MYO5B: variants seen among roughly 807,000 people sequenced by gnomAD.
MYO5B encodes the protein myosin VB, also known as unconventional myosin-Vb.
In MYO5B, 143 loss-of-function variants were observed where a neutral mutation model predicts 229.3. The ratio of observed to expected loss-of-function variants is 0.62; its 90% CI spans 0.54 to 0.72. The LOEUF is 0.72. Ranked by LOEUF, MYO5B falls within the 30% of genes least tolerant of loss-of-function variation. The pLI, the probability that MYO5B is intolerant of heterozygous loss-of-function variation, is 0.00. For synonymous variants in MYO5B, 918 were observed against 885.2 expected, an observed-to-expected ratio of 1.04 and a Z score of -0.66; for missense variants, 2,321 against 2,331.0, an observed-to-expected ratio of 1.00 and a Z score of 0.09.
intron 1 of MYO5B, among the ~76,000 whole-genome samples, chr18:50,109,579 C>A (rs2031827975): frequency 6.6e-6 from 1 of 152,130 alleles, no homozygotes; most frequent in Non-Finnish European, 1.5e-5. Context: ...GCGCCGCCAC[C>A]ATGCTTGGCT....
chr18:49,924,321 T>C (rs895458971), intron 17 of MYO5B, among the ~76,000 whole-genome samples: 4 of 152,190 alleles, frequency 2.6e-5, no homozygotes, highest in Non-Finnish European at 5.9e-5. Context: ...GAACTCTAGA[T>C]ACATTATCTA....
chr18:49,870,776 TAAAAG>T (rs1230628642), intron 27 of MYO5B, among the ~76,000 whole-genome samples: 6 of 151,744 alleles, frequency 4.0e-5, no homozygotes, highest in Admixed American at 1.3e-4. Flanking sequence ...AATAAATAAA[TAAAAG>T]AAAAGAAAAT....
chr18:49,942,504 A>T lies in MYO5B; in HGVS notation c.1753-5107T>A, dbSNP rs998854822. 7.9e-5 allele frequency among the ~76,000 whole-genome samples: 12 copies of T among 151,926 alleles called. No homozygotes were observed. In the South Asian group the frequency reaches 1.7e-3, roughly 21 times the overall value. On this transcript the variant is annotated intron_variant, in intron 14 of 39. Transcript: ENST00000285039. ...AATATCCAGAATCTACAATGAACTC[A>T]AACAAATTTACAAGAAAAAAACAAA... is the stretch of plus-strand genomic sequence containing the variant.
intron 1 of MYO5B, among the ~76,000 whole-genome samples, chr18:50,162,581 T>G (rs556781539): frequency 6.6e-6 from 1 of 152,302 alleles, no homozygotes; most frequent in South Asian, 2.1e-4. Context: ...GAATGTTGGC[T>G]CATCAGGACA....
chr18:50,149,680 C>T (rs1465071394), intron 1 of MYO5B, among the ~76,000 whole-genome samples: 22 of 145,756 alleles, frequency 1.5e-4, no homozygotes, highest in Middle Eastern at 3.5e-3. Context: ...ATACAAAAAT[C>T]AATTCAAGAT....
chr18:49,973,756 C>T (rs1198843721), intron 10 of MYO5B, among the ~76,000 whole-genome samples: 1 of 152,178 alleles, frequency 6.6e-6, no homozygotes, highest in Non-Finnish European at 1.5e-5. Flanking sequence ...GGCAAGTACA[C>T]TTTCACCACA....
At chr18:50,086,634 C>A (rs2031336274) in intron 1 of MYO5B, among the ~76,000 whole-genome samples, 1 of 152,152 alleles carries the variant, frequency 6.6e-6, no homozygotes, top group Non-Finnish European at 1.5e-5. Flanking sequence ...ATTATATAAC[C>A]CTTGCATTTG....
At chr18:50,190,533 C>G (rs902486241) in intron 1 of MYO5B, among the ~76,000 whole-genome samples, 27 of 152,172 alleles carry the variant, frequency 1.8e-4, no homozygotes, top group African/African-American at 6.5e-4. Context: ...AACCTCACTA[C>G]AAAGAAAACA....
intron 10 of MYO5B, among the ~76,000 whole-genome samples, chr18:49,965,562 C>A (rs2025615753): frequency 6.6e-6 from 1 of 151,978 alleles, no homozygotes; most frequent in African/African-American, 2.4e-5. Flanking sequence ...GAACACTAAG[C>A]CCAAGTGCTC....
intron 4 of MYO5B, among the ~76,000 whole-genome samples, chr18:50,018,878 G>C (rs968955541): frequency 6.6e-6 from 1 of 152,106 alleles, no homozygotes; most frequent in East Asian, 1.9e-4. Flanking sequence ...AAGGGAGGAG[G>C]GGAAGAAAAA....
chr18:50,145,619 A>G (rs1023927732), intron 1 of MYO5B, among the ~76,000 whole-genome samples: 2 of 151,800 alleles, frequency 1.3e-5, no homozygotes, highest in Non-Finnish European at 2.9e-5. Flanking sequence ...TATTTCATTC[A>G]TCATAAGAAG....
intron 16 of MYO5B, among the ~76,000 whole-genome samples, chr18:49,933,459 T>C (rs903876483): frequency 9.2e-5 from 14 of 152,248 alleles, no homozygotes; most frequent in African/African-American, 3.1e-4. Context: ...AGAGGTATGA[T>C]AGATGTTTCT....
intron 9 of MYO5B, among the ~76,000 whole-genome samples, chr18:49,977,926 G>A (rs2025769862): frequency 1.3e-5 from 2 of 152,202 alleles, no homozygotes; most frequent in South Asian, 4.1e-4. Flanking sequence ...AGAGAGGTTA[G>A]CACACTTGCC....
intron 1 of MYO5B, among the ~76,000 whole-genome samples, chr18:50,150,919 A>G (rs1022414133): frequency 2.6e-5 from 4 of 152,188 alleles, no homozygotes; most frequent in African/African-American, 9.6e-5. Context: ...TCCATACTCA[A>G]TGCTCCCCTG....
chr18:49,998,244 G>A (rs1568064469), intron 5 of MYO5B, among the ~76,000 whole-genome samples: 1 of 152,142 alleles, frequency 6.6e-6, no homozygotes, highest in African/African-American at 2.4e-5. Flanking sequence ...TGCTCCATTT[G>A]ACAGAAGAAA....
chr18:50,048,083 TATAATAATAATA>T (rs35442968), intron 2 of MYO5B, among the ~76,000 whole-genome samples: 1 of 148,286 alleles, frequency 6.7e-6, no homozygotes, highest in Non-Finnish European at 1.5e-5. Context: ...AACCTTTAAG[TATAATAATAATA>T]ATAATAATAA....
At chr18:49,963,415 A>AATTAATTTATTT (rs1555647597) in intron 10 of MYO5B, among the ~76,000 whole-genome samples, 1 of 147,926 alleles carries the variant, frequency 6.8e-6, no homozygotes, top group African/African-American at 2.6e-5. Flanking sequence ...TTAATTAATT[A>AATTAATTTATTT]ATTTATTTAT....
intron 7 of MYO5B, among the ~76,000 whole-genome samples, chr18:49,988,958 T>G (rs2025899977): frequency 6.6e-6 from 1 of 152,142 alleles, no homozygotes; most frequent in African/African-American, 2.4e-5. Flanking sequence ...TAACTAACAA[T>G]GGACATCAGC....
At chr18:50,184,897 A>T (rs4939618) in intron 1 of MYO5B, among the ~76,000 whole-genome samples, 1 of 30,180 alleles carries the variant, frequency 3.3e-5, no homozygotes, top group African/African-American at 1.2e-4. Flanking sequence ...CACACACAGA[A>T]AAAAATATAT....
Sources: gnomAD v4.1 joint callset for allele counts (sites outside exome capture counted in the v4.1 genomes callset) on GRCh38, gnomAD v4.1.1 for gene constraint, MANE v1.5 for transcripts, NCBI Gene and HGNC (gene_info 2026-07-23, HGNC 2026-07-21) for gene names.